KCNIP4: variants seen among roughly 807,000 people sequenced by gnomAD.
KCNIP4 encodes potassium voltage-gated channel interacting protein 4.
A neutral mutation model predicts 34.0 loss-of-function variants in KCNIP4; 12 were observed. The observed-to-expected ratio is 0.35, with a 90% CI of 0.23 to 0.57. The LOEUF is 0.57. Among genes scored for constraint, KCNIP4 ranks in the 20% least tolerant of loss-of-function variants. The pLI is 0.83. For missense variants in KCNIP4, 238 were observed against 311.7 expected (o/e 0.76, Z 1.78); for synonymous variants, 124 against 102.2 (o/e 1.21, Z -1.29).
intron 1 of KCNIP4, among the ~76,000 whole-genome samples, chr4:21,707,414 CTTTG>C (rs1336029243): frequency 2.0e-5 from 3 of 152,090 alleles, no homozygotes; most frequent in Middle Eastern, 3.4e-3. Flanking sequence ...TTGAACTATT[CTTTG>C]TTTGGTTGTG....
chr4:21,903,818 G>T (rs1391380454), intron 1 of KCNIP4, among the ~76,000 whole-genome samples: 1 of 152,020 alleles, frequency 6.6e-6, no homozygotes, highest in Non-Finnish European at 1.5e-5. Context: ...TCACCCTAAT[G>T]TGTACACCCC....
At chr4:21,713,762 C>CACAT (rs1713931511) in intron 1 of KCNIP4, among the ~76,000 whole-genome samples, 1 of 152,162 alleles carries the variant, frequency 6.6e-6, no homozygotes, top group South Asian at 2.1e-4. Flanking sequence ...GCCCTGCCCA[C>CACAT]ACATACCCTC....
At chr4:21,524,163 C>A (rs997580459) in intron 1 of KCNIP4, among the ~76,000 whole-genome samples, 4 of 152,050 alleles carry the variant, frequency 2.6e-5, no homozygotes, top group Non-Finnish European at 5.9e-5. Flanking sequence ...ATGCTCTTCT[C>A]TGCTCACTCC....
chr4:21,044,407 G>T (rs1402114245), intron 1 of KCNIP4, among the ~76,000 whole-genome samples: 2 of 152,000 alleles, frequency 1.3e-5, no homozygotes, highest in African/African-American at 4.8e-5. Context: ...CACCTCCAGG[G>T]TTCAGGTGAT....
At chr4:21,530,958 G>C (rs1181499316) in intron 1 of KCNIP4, among the ~76,000 whole-genome samples, 9 of 152,078 alleles carry the variant, frequency 5.9e-5, no homozygotes, top group South Asian at 2.1e-4. Flanking sequence ...AAGGCCACAG[G>C]GTTGGTTTTC....
chr4:21,088,407 G>T (rs115182639), intron 1 of KCNIP4, among the ~76,000 whole-genome samples: 2,973 of 152,058 alleles, frequency 0.02, 55 homozygotes, highest in Non-Finnish European at 0.026. Context: ...ACTGTCTCTT[G>T]TACAGGGATC....
intron 1 of KCNIP4, among the ~76,000 whole-genome samples, chr4:21,607,074 T>C (rs1743755601): frequency 1.3e-5 from 2 of 151,944 alleles, no homozygotes; most frequent in African/African-American, 2.4e-5. Flanking sequence ...GTAGGGTCCA[T>C]GAATTAAGAT....
rs916997163 is a variant in KCNIP4, at chr4:21,642,148, A to G, written c.61+306423T>C. On this transcript the variant is annotated intron_variant, in intron 1 of 8. Coordinates refer to ENST00000382152, the MANE Select transcript of KCNIP4 (RefSeq NM_025221.6). ...AGCACTCCTTCTCATCAAGAAAATT[A>G]CTTCATAGTAAACAAAGTGTGGCAA... 2.0e-5 allele frequency among the ~76,000 whole-genome samples: 3 copies of G among 152,330 alleles called. No individual in the cohort carries two copies. In the East Asian group the frequency reaches 5.8e-4, roughly 29 times the overall value.
intron 1 of KCNIP4, among the ~76,000 whole-genome samples, chr4:21,105,005 G>A (rs1268219523): frequency 1.3e-5 from 2 of 151,696 alleles, no homozygotes; most frequent in Admixed American, 1.3e-4. Flanking sequence ...TAGCCTTGTA[G>A]TATAGTCTGA....
At chr4:20,946,190 T>G (rs1473037988) in intron 1 of KCNIP4, among the ~76,000 whole-genome samples, 1 of 152,038 alleles carries the variant, frequency 6.6e-6, no homozygotes, top group Non-Finnish European at 1.5e-5. Flanking sequence ...CCAGGAAAAC[T>G]TGGGGTAGGA....
At chr4:21,592,119 T>C (rs1194577036) in intron 1 of KCNIP4, among the ~76,000 whole-genome samples, 1 of 152,024 alleles carries the variant, frequency 6.6e-6, no homozygotes, top group Non-Finnish European at 1.5e-5. Context: ...GACTTAGAAG[T>C]CATTGACAGA....
intron 1 of KCNIP4, among the ~76,000 whole-genome samples, chr4:21,579,463 A>G (rs1482166959): frequency 6.6e-6 from 1 of 152,138 alleles, no homozygotes; most frequent in Admixed American, 6.5e-5. Flanking sequence ...AATCTTATTT[A>G]TTTATATCTT....
chr4:21,377,203 T>C (rs964221230), intron 1 of KCNIP4, among the ~76,000 whole-genome samples: 1 of 152,332 alleles, frequency 6.6e-6, no homozygotes, highest in African/African-American at 2.4e-5. Context: ...AGCATACTAC[T>C]CGGACAGGAG....
Position 21,159,622 on chromosome 4 carries a change from G to C in KCNIP4, c.62-276913C>G, listed in dbSNP as rs1156801977. Among the ~76,000 whole-genome samples the C allele has an allele frequency of 2.2e-4, 7 of 31,112 alleles. 1 individual carries two copies. The East Asian group carries it at 3.6e-3, about 16-fold the overall frequency. 20.4% of individuals were successfully genotyped at this position (31,112 alleles called of 152,430 possible). ...CAAGGGGTCAGGGAGTTCCCTTTCCGAGTCAAAGAAAGGGGTGACGGACGC... is the reference window on the plus strand; with the variant it reads ...CAAGGGGTCAGGGAGTTCCCTTTCCCAGTCAAAGAAAGGGGTGACGGACGC... On this transcript the variant is annotated intron_variant, in intron 1 of 8. Transcript: ENST00000382152.
chr4:21,086,983 T>TC (rs1560708747), intron 1 of KCNIP4, among the ~76,000 whole-genome samples: 12 of 121,780 alleles, frequency 9.9e-5, no homozygotes, highest in African/African-American at 4.4e-4. Flanking sequence ...CTCTCTCTCT[T>TC]TCTTTCTTTT....
intron 1 of KCNIP4, among the ~76,000 whole-genome samples, chr4:21,465,862 C>T (rs1729883021): frequency 6.6e-6 from 1 of 152,174 alleles, no homozygotes; most frequent in South Asian, 2.1e-4. Flanking sequence ...AGTTAAGGCT[C>T]ATTCTGAAAC....
chr4:21,181,644 G>C (rs547668298), intron 1 of KCNIP4, among the ~76,000 whole-genome samples: 11 of 152,040 alleles, frequency 7.2e-5, no homozygotes, highest in Admixed American at 6.6e-4. Flanking sequence ...GGGCTAAGTC[G>C]AGTGCATGTG....
At chr4:21,276,138 C>G (rs1762421224) in intron 1 of KCNIP4, among the ~76,000 whole-genome samples, 1 of 152,282 alleles carries the variant, frequency 6.6e-6, no homozygotes, top group African/African-American at 2.4e-5. Context: ...AACAAAATAC[C>G]CTAGGAAAAT....
intron 1 of KCNIP4, among the ~76,000 whole-genome samples, chr4:20,904,647 C>T (rs945363309): frequency 1.3e-5 from 2 of 152,192 alleles, no homozygotes; most frequent in Admixed American, 6.5e-5. Context: ...GAGTCCTTAA[C>T]AAAATGCTAA....
Sources: gnomAD v4.1 joint callset for allele counts (sites outside exome capture counted in the v4.1 genomes callset) on GRCh38, gnomAD v4.1.1 for gene constraint, MANE v1.5 for transcripts, NCBI Gene and HGNC (gene_info 2026-07-23, HGNC 2026-07-21) for gene names.